Variants in CAPS2 observed in about 807,000 individuals in gnomAD.
The protein encoded by CAPS2 is calcyphosine 2, also known as calcyphosin-2.
A neutral mutation model predicts 86.5 loss-of-function variants in CAPS2; 98 were observed. The observed-to-expected ratio is 1.13, with a 90% CI of 0.96 to 1.34. The LOEUF is 1.34. Among genes scored for constraint, CAPS2 ranks in the 40% most tolerant of loss-of-function variants. The pLI is 0.00. For synonymous variants in CAPS2, 210 were observed against 225.1 expected (o/e 0.93, Z 0.60); for missense variants, 729 against 686.8 (o/e 1.06, Z -0.69).
chr12:75,334,925 C>A (rs765976740), upstream of CAPS2: 6 of 1,603,952 alleles, frequency 3.7e-6, no homozygotes, highest in Non-Finnish European at 5.1e-6. Context: ...CAGGGCTGGG[C>A]TCTTAAATCC....
chr12:75,388,275 T>A (rs552845643), intron 1 of CAPS2, among the ~76,000 whole-genome samples: 2 of 152,352 alleles, frequency 1.3e-5, no homozygotes, highest in African/African-American at 4.8e-5. Context: ...CTCCCAGCCA[T>A]GTGGAACTGT....
At chr12:75,326,926 A>G (rs573219764), upstream of CAPS2, among the ~76,000 whole-genome samples, 1 of 152,292 alleles carries the variant, frequency 6.6e-6, no homozygotes, top group East Asian at 1.9e-4. Context: ...AGCATAGGTC[A>G]GAGAGAGGTG....
At chr12:75,333,634 T>C (rs2041499007), upstream of CAPS2, among the ~76,000 whole-genome samples, 1 of 152,220 alleles carries the variant, frequency 6.6e-6, no homozygotes, top group Admixed American at 6.5e-5. Flanking sequence ...TTTCGTTTTC[T>C]TATAATCTAA....
At chr12:75,325,852 A>C (rs1565915284) in intron 1 of CAPS2, among the ~76,000 whole-genome samples, 1 of 152,070 alleles carries the variant, frequency 6.6e-6, no homozygotes, top group Non-Finnish European at 1.5e-5. Context: ...AAGTTAGGGA[A>C]CTTAGACCTT....
chr12:75,334,927 C>T, upstream of CAPS2: 2 of 1,602,078 alleles, frequency 1.2e-6, no homozygotes, highest in Non-Finnish European at 1.7e-6. Context: ...GGGCTGGGCT[C>T]TTAAATCCCT....
intron 5 of CAPS2, among the ~76,000 whole-genome samples, chr12:75,316,746 A>C (rs2039809751): frequency 6.6e-6 from 1 of 152,192 alleles, no homozygotes; most frequent in Non-Finnish European, 1.5e-5. Context: ...CATAGTAAGC[A>C]TTAAATAAAA....
At chr12:75,277,382 C>A (rs939483188) in exon 17 of CAPS2, 1 of 976,526 alleles carries the variant, frequency 1.0e-6, no homozygotes, top group Non-Finnish European at 1.2e-6. Context: ...TTAACAAGAA[C>A]AATTTGTAGG....
chr12:75,277,236 A>G (rs1380192510), exon 17 of CAPS2: 24 of 968,468 alleles, frequency 2.5e-5, no homozygotes, highest in Non-Finnish European at 2.7e-5. Context: ...ACAGTATAAC[A>G]GACTATACAT....
intron 8 of CAPS2, among the ~76,000 whole-genome samples, chr12:75,301,073 A>G (rs1384479707): frequency 6.6e-6 from 1 of 152,206 alleles, no homozygotes; most frequent in Non-Finnish European, 1.5e-5. Context: ...GCCAGCCCTA[A>G]AATTCTATTT....
chr12:75,379,038 G>A (rs1344476674), intron 1 of CAPS2, among the ~76,000 whole-genome samples: 2 of 151,908 alleles, frequency 1.3e-5, no homozygotes, highest in East Asian at 1.9e-4. Flanking sequence ...TTATCATTTT[G>A]TTATCTTCAT....
At chr12:75,298,577 G>T in intron 11 of CAPS2, 110 bp downstream of exon 11, 1 of 774,660 alleles carries the variant, frequency 1.3e-6, no homozygotes, top group East Asian at 2.7e-5. Flanking sequence ...TGTTCAGGAT[G>T]CAGGAGAGGA....
chr12:75,287,365 T>C (rs1478320388), intron 14 of CAPS2, among the ~76,000 whole-genome samples: 9 of 152,050 alleles, frequency 5.9e-5, no homozygotes, highest in Non-Finnish European at 1.2e-4. Context: ...TGTCTAATTG[T>C]AGGCCATAAG....
downstream of CAPS2, chr12:75,276,141 C>T: frequency 6.8e-7 from 1 of 1,476,064 alleles, no homozygotes; most frequent in Non-Finnish European, 9.0e-7. Context: ...ATTGTCTTTG[C>T]TCTTCTCTTG....
intron 16 of CAPS2, among the ~76,000 whole-genome samples, chr12:75,280,380 A>C (rs996607781): frequency 2.6e-5 from 4 of 151,800 alleles, no homozygotes; most frequent in African/African-American, 9.7e-5. Context: ...TCTATTTAGG[A>C]ATATTTAGCT....
At chr12:75,314,192 C>T (rs112507517) in intron 6 of CAPS2, among the ~76,000 whole-genome samples, 2,453 of 152,124 alleles carry the variant, frequency 0.016, 58 homozygotes, top group African/African-American at 0.051. Flanking sequence ...AGTGCTGGGA[C>T]TATAGGTATG....
chr12:75,365,945 A>T (rs1383111824), intron 1 of CAPS2, among the ~76,000 whole-genome samples: 1 of 152,176 alleles, frequency 6.6e-6, no homozygotes, highest in Non-Finnish European at 1.5e-5. Context: ...TTATAGTTTT[A>T]TAACCCTTAT....
intron 1 of CAPS2, among the ~76,000 whole-genome samples, chr12:75,376,339 C>A (rs893907334): frequency 2.0e-5 from 3 of 152,202 alleles, no homozygotes; most frequent in African/African-American, 7.2e-5. Flanking sequence ...CATACCTGTT[C>A]TCCAGATTTC....
upstream of CAPS2, chr12:75,330,067 C>T (rs1286368082): frequency 2.5e-6 from 1 of 400,102 alleles, no homozygotes; most frequent in East Asian, 3.6e-5. Context: ...GCAGGTTGCC[C>T]GGCAACAGGC....
At chr12:75,321,480 G>T in exon 5 of CAPS2, 2 of 1,544,182 alleles carry the variant, frequency 1.3e-6, no homozygotes, top group South Asian at 1.2e-5. Flanking sequence ...TGACTATACT[G>T]CTTATAGCCC....
Sources: allele counts gnomAD v4.1 joint callset (sites outside exome capture counted in the v4.1 genomes callset), GRCh38; gene constraint gnomAD v4.1.1; transcripts MANE v1.5; gene names NCBI Gene and HGNC (gene_info 2026-07-23, HGNC 2026-07-21).